The following FTO variants were observed in gnomAD, a reference collection of about 807,000 sequenced individuals.
FTO encodes the protein FTO alpha-ketoglutarate dependent dioxygenase.
In FTO, 47 loss-of-function variants were observed where a neutral mutation model predicts 63.9. The observed-to-expected ratio is 0.74, with a 90% CI of 0.58 to 0.94. The LOEUF (loss-of-function observed/expected upper bound fraction) is 0.94. Ranked by LOEUF, FTO falls within the 40% of genes least tolerant of loss-of-function variation. The pLI, the probability that FTO is intolerant of heterozygous loss-of-function variation, is 0.00. For synonymous variants in FTO, 207 were observed against 224.4 expected (o/e 0.92, Z 0.69); for missense variants, 562 against 618.1 (o/e 0.91, Z 0.96).
chr16:54,001,587 A>G (rs1352704423), intron 8 of FTO, among the ~76,000 whole-genome samples: 1 of 152,162 alleles, frequency 6.6e-6, no homozygotes, highest in Admixed American at 6.5e-5. Flanking sequence ...GTTCCATTTA[A>G]GTGGTTTGTG....
chr16:53,830,853 G>T lies in FTO; in HGVS notation c.751+4362G>T, dbSNP rs551451194. Among the ~76,000 whole-genome samples, 288 of 89,928 alleles carry T rather than the reference G, an allele frequency of 3.2e-3. 1 individual carries two copies. Among genetic ancestry groups the T allele is most frequent in the African/African-American group, 8.2e-3 (275 of 33,668 alleles). 59.0% of individuals were successfully genotyped at this position (89,928 alleles called of 152,430 possible). A position where few individuals can be genotyped will look rare whatever the true frequency, so the allele number is the denominator to read the frequency against. On this transcript the variant is annotated intron_variant, in intron 3 of 8. Coordinates refer to ENST00000471389, the MANE Select transcript of FTO (RefSeq NM_001080432.3). Reference sequence around the variant, plus strand: ...AGAGGTTGCAGTGAGCTGAGATTGCGCCACTGTACTCCAGCCCGGGCGACA... The same window carrying T: ...AGAGGTTGCAGTGAGCTGAGATTGCTCCACTGTACTCCAGCCCGGGCGACA...
At chr16:53,787,027 C>G (rs1006422402) in intron 1 of FTO, among the ~76,000 whole-genome samples, 6 of 135,658 alleles carry the variant, frequency 4.4e-5, no homozygotes, top group Non-Finnish European at 9.2e-5. Context: ...AGGAGAATTG[C>G]TTGAACCCAG....
At chr16:53,998,205 G>C (rs1451647458) in intron 8 of FTO, 3 of 152,246 alleles carry the variant, frequency 2.0e-5, no homozygotes, top group African/African-American at 4.8e-5. Context: ...TCAAGATCAT[G>C]TGTATTTATT....
intron 8 of FTO, among the ~76,000 whole-genome samples, chr16:54,033,495 C>T (rs1363767088): frequency 6.6e-6 from 1 of 152,170 alleles, no homozygotes; most frequent in African/African-American, 2.4e-5. Flanking sequence ...TTAATGCATA[C>T]AGTTGTGTGG....
chr16:54,119,168 G>C lies in FTO; in HGVS notation c.*7253G>C, dbSNP rs982429129. 6.6e-6 allele frequency: 1 copy of C among 152,184 alleles called. No individual in the cohort carries two copies. The highest frequency in any genetic ancestry group is 2.4e-5 in the African/African-American group (1 of 41,456). The allele number at this position is 152,184 out of a possible 1,614,324, so 9.4% of individuals were successfully genotyped here. A position where few individuals can be genotyped will look rare whatever the true frequency, so the allele number is the denominator to read the frequency against. ...AACTGCCTTTCTTGAGTAGAGGTAC[G>C]TTCAGCACTTCATAAAATAATCTTG... On this transcript the variant is annotated 3_prime_UTR_variant, in exon 9 of 9. Coordinates refer to ENST00000471389, the MANE Select transcript of FTO (RefSeq NM_001080432.3).
intron 8 of FTO, among the ~76,000 whole-genome samples, chr16:53,952,784 C>A (rs2082829655): frequency 6.6e-6 from 1 of 152,158 alleles, no homozygotes; most frequent in Admixed American, 6.5e-5. Context: ...CAGAGCTAGA[C>A]CTAATGCACA....
intron 1 of FTO, among the ~76,000 whole-genome samples, chr16:53,728,117 T>C (rs1669020979): frequency 6.6e-6 from 1 of 152,022 alleles, no homozygotes; most frequent in African/African-American, 2.4e-5. Context: ...TGTGCACCTG[T>C]AGTCCTAGCT....
rs939418284 is a variant in FTO, at chr16:53,987,313, G to A, written c.1364+53204G>A. On this transcript the variant is annotated intron_variant, in intron 8 of 8. Coordinates refer to ENST00000471389, the MANE Select transcript of FTO (RefSeq NM_001080432.3). The stretch of plus-strand genomic sequence containing the variant: ...AATGACAATACAGCCAGGCGCGGTG[G>A]CTCACGCCTGTAATCCCAGCACTTT... Among the ~76,000 whole-genome samples the A allele has an allele frequency of 4.6e-5, 7 of 152,072 alleles. No individual in the cohort carries two copies. The East Asian group carries it at 7.7e-4, about 17-fold the overall frequency.
At position 53,886,148 on chromosome 16, in the gene FTO, G is replaced by T. The variant is rs975910016; in HGVS notation, c.1120-2684G>T. On this transcript the variant is annotated intron_variant, in intron 6 of 8. Coordinates refer to ENST00000471389, the MANE Select transcript of FTO (RefSeq NM_001080432.3). ...GCCAGGGCTCTCTCTTTGCTCTCTT[G>T]TCCAATAGCAGAGCCCCTAGATATA... is the stretch of plus-strand genomic sequence containing the variant. 2.0e-5 allele frequency among the ~76,000 whole-genome samples: 3 copies of T among 152,178 alleles called. No individual in the cohort carries two copies. The East Asian group carries it at 5.8e-4, about 29-fold the overall frequency.
chr16:53,761,650 T>C (rs1188300634), intron 1 of FTO, among the ~76,000 whole-genome samples: 1 of 152,214 alleles, frequency 6.6e-6, no homozygotes, highest in Non-Finnish European at 1.5e-5. Context: ...TTGTTTCTAC[T>C]TTCTCTGAAA....
At chr16:53,957,712 CAGT>C (rs1363267331) in intron 8 of FTO, among the ~76,000 whole-genome samples, 2 of 152,216 alleles carry the variant, frequency 1.3e-5, no homozygotes, top group Non-Finnish European at 2.9e-5. Flanking sequence ...CCACTACTGG[CAGT>C]AGGAGAAATC....
At chr16:53,822,937 T>TA (rs1310868527) in intron 2 of FTO, among the ~76,000 whole-genome samples, 6 of 152,318 alleles carry the variant, frequency 3.9e-5, no homozygotes, top group African/African-American at 1.4e-4. Flanking sequence ...ATGAGTGTAC[T>TA]GAGAAACTCT....
At chr16:54,082,337 G>C (rs2086169209) in intron 8 of FTO, among the ~76,000 whole-genome samples, 1 of 152,062 alleles carries the variant, frequency 6.6e-6, no homozygotes, top group Non-Finnish European at 1.5e-5. Context: ...AACTTCCTGT[G>C]GAAACCAACA....
At chr16:53,706,857 T>A (rs1198602789) in intron 1 of FTO, among the ~76,000 whole-genome samples, 2 of 152,226 alleles carry the variant, frequency 1.3e-5, no homozygotes, top group East Asian at 3.8e-4. Flanking sequence ...TGGACTCTTA[T>A]GAAAAAAGCT....
chr16:53,761,583 G>C (rs1016424308), intron 1 of FTO, among the ~76,000 whole-genome samples: 1 of 152,148 alleles, frequency 6.6e-6, no homozygotes, highest in Non-Finnish European at 1.5e-5. Context: ...ATTTAATATG[G>C]AGAAAATAAT....
At chr16:53,999,851 A>G (rs934992033) in intron 8 of FTO, 1 of 152,206 alleles carries the variant, frequency 6.6e-6, no homozygotes, top group Non-Finnish European at 1.5e-5. Context: ...AAACCAGTAC[A>G]GTTGGTTCTT....
intron 4 of FTO, among the ~76,000 whole-genome samples, chr16:53,870,736 C>T (rs1032673240): frequency 6.6e-6 from 1 of 152,100 alleles, no homozygotes; most frequent in Admixed American, 6.6e-5. Context: ...TTTAAAAAGG[C>T]ATTTATTCTT....
At chr16:53,851,894 A>G (rs1282253987) in intron 4 of FTO, among the ~76,000 whole-genome samples, 1 of 152,080 alleles carries the variant, frequency 6.6e-6, no homozygotes, top group Non-Finnish European at 1.5e-5. Flanking sequence ...CTTAGAGGTA[A>G]CTGCTTTTCA....
At chr16:53,760,243 TGTGTGTGTGTGTGTGTG>T (rs1454563293) in intron 1 of FTO, among the ~76,000 whole-genome samples, 2 of 14,280 alleles carry the variant, frequency 1.4e-4, no homozygotes, top group Non-Finnish European at 2.8e-4. Flanking sequence ...TGTGTGTGTG[TGTGTGTGTGTGTGTGTG>T]TTTTTTGGAG....
Sources: allele counts gnomAD v4.1 joint callset (sites outside exome capture counted in the v4.1 genomes callset), GRCh38; gene constraint gnomAD v4.1.1; transcripts MANE v1.5; gene names NCBI Gene and HGNC (gene_info 2026-07-23, HGNC 2026-07-21).